ATP11B: variants seen among roughly 807,000 people sequenced by gnomAD.
ATP11B encodes phospholipid-transporting ATPase IF.
Under a neutral mutation model 157.8 loss-of-function variants are expected in ATP11B, and 81 were observed. The observed-to-expected ratio is 0.51, with a 90% CI of 0.43 to 0.62. ATP11B has a LOEUF of 0.62. Ranked by LOEUF, ATP11B falls within the 20% of genes least tolerant of loss-of-function variation. The pLI is 0.00. For missense variants in ATP11B, 1,165 were observed against 1,402.2 expected (o/e 0.83, Z 2.70); for synonymous variants, 451 against 469.4 (o/e 0.96, Z 0.51).
At chr3:182,876,324 T>G (rs78205689) in intron 19 of ATP11B, among the ~76,000 whole-genome samples, 1,743 of 152,342 alleles carry the variant, frequency 0.011, 37 homozygotes, top group African/African-American at 0.04. Context: ...ATCAGAAGAT[T>G]ATTATTTGTA....
intron 24 of ATP11B, 79 bp from the exon 25 acceptor site, chr3:182,889,331 T>C: frequency 9.9e-7 from 1 of 1,009,612 alleles, no homozygotes. Flanking sequence ...TGTTTTTTAA[T>C]TATCATATTA....
intron 10 of ATP11B, among the ~76,000 whole-genome samples, chr3:182,850,448 G>C (rs1237558589): frequency 5.3e-5 from 8 of 151,904 alleles, no homozygotes; most frequent in African/African-American, 1.9e-4. Flanking sequence ...ACTCCAGCCT[G>C]GGCAACAGAG....
intron 8 of ATP11B, among the ~76,000 whole-genome samples, chr3:182,843,051 G>A (rs1719178124): frequency 6.6e-6 from 1 of 152,220 alleles, no homozygotes; most frequent in African/African-American, 2.4e-5. Flanking sequence ...ATTGAGCTAA[G>A]AGACAATGTA....
intron 10 of ATP11B, among the ~76,000 whole-genome samples, chr3:182,852,742 A>T (rs554965243): frequency 6.6e-6 from 1 of 152,332 alleles, no homozygotes; most frequent in East Asian, 1.9e-4. Context: ...ATAATAACTA[A>T]ATCTGTAAAA....
At chr3:182,895,642 G>C (rs1365462851) in intron 25 of ATP11B, among the ~76,000 whole-genome samples, 3 of 152,190 alleles carry the variant, frequency 2.0e-5, no homozygotes, top group Non-Finnish European at 1.5e-5. Flanking sequence ...CACACAGAAA[G>C]AGGGCGGCTC....
intron 10 of ATP11B, among the ~76,000 whole-genome samples, chr3:182,855,381 A>T (rs1169321022): frequency 6.6e-6 from 1 of 152,202 alleles, no homozygotes; most frequent in Non-Finnish European, 1.5e-5. Flanking sequence ...CCCCCACTGT[A>T]TGTAAAAATT....
chr3:182,918,074 T>C lies in ATP11B; in HGVS notation c.3504T>C (p.Thr1168=), dbSNP rs754388736. Residue 1168 remains threonine, a synonymous_variant, in exon 30 of 30, where the codon ACT becomes ACC. Transcript: ENST00000323116. ...ATACCAACGACAGGAGCATCTTGACTCTCTCCACAATGGACTCATCTACTT... is the reference window on the plus strand; with the variant it reads ...ATACCAACGACAGGAGCATCTTGACCCTCTCCACAATGGACTCATCTACTT... ...PFYTNDRSIL[T]LSTMDSSTC 1 of 1,613,386 alleles carries C rather than the reference T, an allele frequency of 6.2e-7. No individual in the cohort carries two copies. Among genetic ancestry groups the C allele is most frequent in the South Asian group, 1.1e-5 (1 of 90,978 alleles).
At chr3:182,899,044 T>C (rs1723764201) in intron 28 of ATP11B, among the ~76,000 whole-genome samples, 1 of 152,046 alleles carries the variant, frequency 6.6e-6, no homozygotes, top group South Asian at 2.1e-4. Context: ...TCAAATTATA[T>C]CCAGATAATA....
At chr3:182,917,195 A>G (rs1725197250) in intron 29 of ATP11B, 1 of 985,354 alleles carries the variant, frequency 1.0e-6, no homozygotes, top group Non-Finnish European at 1.2e-6. Flanking sequence ...GAAGGTGGGA[A>G]CCCTGGAAAA....
At chr3:182,827,487 AC>A (rs1317689310) in intron 2 of ATP11B, among the ~76,000 whole-genome samples, 4 of 152,142 alleles carry the variant, frequency 2.6e-5, no homozygotes, top group African/African-American at 4.8e-5. Flanking sequence ...GATTTGGGCC[AC>A]CACAGTTTAA....
In ATP11B at chr3:182,873,968, G is replaced by C; in HGVS notation, c.2205G>C (p.Gln735His). Residue 735 changes from glutamine (Q) to histidine (H), a missense_variant, in exon 19 of 30, where the codon CAG becomes CAC. Gln to His is a conservative substitution (Grantham distance 24). This residue lies in a region of ATP11B where 737 missense variants were observed against 930.5 expected (regional missense o/e 0.79). Transcript: ENST00000323116. ...RTMNILELIN[Q>H]KSDSECAEQL... Reference sequence around the variant, plus strand: ...TGAACATCCTTGAACTTATAAACCAGAAATCAGACAGCGAGTGTGCTGAAC... The same window carrying C: ...TGAACATCCTTGAACTTATAAACCACAAATCAGACAGCGAGTGTGCTGAAC... 6.2e-7 allele frequency: 1 copy of C among 1,614,086 alleles called. No individual in the cohort carries two copies. Among genetic ancestry groups the C allele is most frequent in the Non-Finnish European group, 8.5e-7 (1 of 1,179,982 alleles).
chr3:182,857,957 T>A lies in ATP11B; in HGVS notation c.931T>A (p.Trp311Arg), dbSNP rs1441234753. Reference protein sequence around the residue: ...AVISTILKYTWQAEEKWDEPW... With the variant: ...AVISTILKYTRQAEEKWDEPW... ...CATCAGCACTATCTTGAAGTATACA[T>A]GGCAAGCTGAAGAAAAATGGGATGA... The change falls in exon 11 of 30, where the codon TGG becomes AGG. Residue 311 changes from tryptophan (W) to arginine (R), a missense_variant. Physicochemically the swap from Trp to Arg is moderately radical, Grantham distance 101. Around this residue, in one of 4 missense-constraint regions of ATP11B, gnomAD observed 737 missense variants for 930.5 expected, o/e 0.79. Coordinates refer to ENST00000323116, the MANE Select transcript of ATP11B (RefSeq NM_014616.3). The A allele has an allele frequency of 2.5e-6, 4 of 1,610,686 alleles. No homozygotes were observed. Among genetic ancestry groups the A allele is most frequent in the South Asian group, 2.2e-5 (2 of 90,908 alleles).
At chr3:182,803,317 C>T (rs186103979) in intron 1 of ATP11B, among the ~76,000 whole-genome samples, 1 of 152,288 alleles carries the variant, frequency 6.6e-6, no homozygotes, top group East Asian at 1.9e-4. Flanking sequence ...TGGTGAGATG[C>T]AGGTATCCTC....
chr3:182,845,280 T>C (rs1190123213), intron 8 of ATP11B, among the ~76,000 whole-genome samples, 178 bp from the exon 9 acceptor site: 11 of 152,168 alleles, frequency 7.2e-5, no homozygotes, highest in Non-Finnish European at 2.9e-5. Context: ...GTGCTAGCAT[T>C]ACAGGCGTTA....
At chr3:182,835,485 C>G (rs1718479962) in intron 4 of ATP11B, among the ~76,000 whole-genome samples, 1 of 152,102 alleles carries the variant, frequency 6.6e-6, no homozygotes, top group South Asian at 2.1e-4. Context: ...CTGGCAAGAA[C>G]AGCTTGGTAG....
intron 10 of ATP11B, among the ~76,000 whole-genome samples, chr3:182,856,646 T>C (rs933343184): frequency 2.0e-5 from 3 of 152,214 alleles, no homozygotes; most frequent in Non-Finnish European, 4.4e-5. Flanking sequence ...GGTGAAGTGC[T>C]GAATACTATG....
At chr3:182,830,587 G>A (rs1208063425) in intron 4 of ATP11B, among the ~76,000 whole-genome samples, 3 of 152,146 alleles carry the variant, frequency 2.0e-5, no homozygotes, top group Non-Finnish European at 4.4e-5. Context: ...CCTTCCACCT[G>A]CAAGAGAATT....
intron 28 of ATP11B, among the ~76,000 whole-genome samples, chr3:182,907,608 T>C (rs369408166): frequency 6.6e-6 from 1 of 152,228 alleles, no homozygotes; most frequent in Non-Finnish European, 1.5e-5. Context: ...GCATTGTGCC[T>C]TGCTATAGAA....
At chr3:182,820,194 A>G in intron 1 of ATP11B, 66 bp from the exon 2 acceptor site, 1 of 1,027,426 alleles carries the variant, frequency 9.7e-7, no homozygotes, top group South Asian at 1.3e-5. Flanking sequence ...AATAAAGCTA[A>G]CAGTAAAGTA....
Sources: allele counts gnomAD v4.1 joint callset (sites outside exome capture counted in the v4.1 genomes callset), GRCh38; gene constraint gnomAD v4.1.1; regional missense constraint gnomAD v4.1.1; transcripts MANE v1.5; gene names NCBI Gene and HGNC (gene_info 2026-07-23, HGNC 2026-07-21).